The following NCOA1 variants were observed in gnomAD, a reference collection of about 807,000 sequenced individuals.
NCOA1 encodes the protein nuclear receptor coactivator 1.
A neutral mutation model predicts 150.9 loss-of-function variants in NCOA1; 35 were observed. The observed-to-expected ratio is 0.23, with a 90% CI of 0.18 to 0.31. The LOEUF (loss-of-function observed/expected upper bound fraction) is 0.31. NCOA1 is among the 10% of genes least tolerant of loss of function. The pLI, the probability that NCOA1 is intolerant of heterozygous loss-of-function variation, is 1.00. For missense variants in NCOA1, 1,491 were observed against 1,749.3 expected, an observed-to-expected ratio of 0.85 and a Z score of 2.63; for synonymous variants, 590 against 630.0, an observed-to-expected ratio of 0.94 and a Z score of 0.95.
In NCOA1 at chr2:24,765,896, C is replaced by CTT. The variant is rs773857143; in HGVS notation, c.4156-2307_4156-2306dup. Among the ~76,000 whole-genome samples the CTT allele has an allele frequency of 3.5e-4, 45 of 128,030 alleles. 1 individual carries two copies. Among genetic ancestry groups the CTT allele is most frequent in the African/African-American group, 6.1e-4 (21 of 34,260 alleles). The allele number at this position is 128,030 out of a possible 152,430, so 84.0% of individuals were successfully genotyped here. ...AGTTTTCTGTAATTTCAATAATACACTTTTTTTTTTTTTTTTTTTGAGACG... is the reference window on the plus strand; with the variant it reads ...AGTTTTCTGTAATTTCAATAATACACTTTTTTTTTTTTTTTTTTTTTGAGACG... On this transcript the variant is annotated intron_variant, in intron 22 of 22. Transcript: ENST00000348332.
chr2:24,534,639 G>C (rs1317455294), intron 1 of NCOA1, among the ~76,000 whole-genome samples: 1 of 152,126 alleles, frequency 6.6e-6, no homozygotes, highest in African/African-American at 2.4e-5. Context: ...CAGAGATTCT[G>C]GTAGTTGTGT....
intron 4 of NCOA1, among the ~76,000 whole-genome samples, chr2:24,649,726 A>G (rs1278422346): frequency 1.3e-5 from 2 of 152,162 alleles, no homozygotes; most frequent in Admixed American, 6.5e-5. Flanking sequence ...TCCTTTTTCT[A>G]TGTATTTGTT....
intron 9 of NCOA1, among the ~76,000 whole-genome samples, chr2:24,692,901 C>G (rs1400841051): frequency 2.0e-5 from 3 of 152,238 alleles, no homozygotes; most frequent in Non-Finnish European, 2.9e-5. Context: ...CGCTCTGTGG[C>G]CCAGGCTGGA....
chr2:24,739,315 A>G, intron 17 of NCOA1, 117 bp from the exon 18 acceptor site: 1 of 714,264 alleles, frequency 1.4e-6, no homozygotes, highest in Non-Finnish European at 2.4e-6. Flanking sequence ...GAAATAATCT[A>G]ACCAAACCTG....
intron 3 of NCOA1, among the ~76,000 whole-genome samples, chr2:24,589,625 T>TTTG: frequency 8.6e-6 from 1 of 116,926 alleles, no homozygotes; most frequent in East Asian, 2.4e-4. Context: ...AGGAAAGAGG[T>TTTG]TGGTGGTGTG....
chr2:24,583,275 T>C (rs1667274042), intron 2 of NCOA1, among the ~76,000 whole-genome samples: 1 of 152,054 alleles, frequency 6.6e-6, no homozygotes, highest in African/African-American at 2.4e-5. Context: ...AAAAGGAATA[T>C]GCAAAAGGCC....
In NCOA1 at chr2:24,710,925, TC is replaced by T; in HGVS notation, c.2419-5del. The stretch of plus-strand genomic sequence containing the variant: ...TATTTCCTCTAACTTTGGTTTCCAT[TC>T]TTAGTTTACAGCTGACCTTGACCAG... On this transcript the variant is annotated splice_region_variant and splice_polypyrimidine_tract_variant and intron_variant, in intron 13 of 22. Transcript: ENST00000348332. 6.2e-7 allele frequency: 1 copy of T among 1,612,478 alleles called. No individual in the cohort carries two copies. Among genetic ancestry groups the T allele is most frequent in the Non-Finnish European group, 8.5e-7 (1 of 1,179,436 alleles).
rs775178797 is a variant in NCOA1 at position 24,610,124 on chromosome 2, C to CTTTTT, written c.-175+25582_-175+25586dup. 2.7e-3 allele frequency among the ~76,000 whole-genome samples: 244 copies of CTTTTT among 90,192 alleles called. 5 individuals are homozygous for CTTTTT. The highest frequency in any genetic ancestry group is 3.3e-3 in the African/African-American group (77 of 23,410). 59.2% of individuals were successfully genotyped at this position (90,192 alleles called of 152,430 possible). On this transcript the variant is annotated intron_variant, in intron 3 of 22. Transcript: ENST00000348332. ...TTTCTTTGTGACTATAGGCTGCATT[C>CTTTTT]TTTTTTTTTTTTTTTTTTTTTTGAG...
intron 19 of NCOA1, among the ~76,000 whole-genome samples, chr2:24,746,691 A>G (rs1020829291): frequency 6.6e-6 from 1 of 152,198 alleles, no homozygotes; most frequent in Non-Finnish European, 1.5e-5. Flanking sequence ...CTAATTCATT[A>G]CCCACAGGCT....
chr2:24,707,497 G>T lies in NCOA1; in HGVS notation c.2027G>T (p.Cys676Phe). ...TCTGCTAACTCTTCAGGAGGTTCTT[G>T]TCCCTCTTCTCATAGCTCATTGACA... Reference protein sequence around the residue: ...SASANSSGGSCPSSHSSLTER... With the variant: ...SASANSSGGSFPSSHSSLTER... The change falls in exon 13 of 23, where the codon TGT (cysteine) becomes TTT (phenylalanine). Residue 676 changes from cysteine (C) to phenylalanine (F), a missense_variant. By Grantham distance (205) the Cys-to-Phe change is radical. Around this residue, in one of 8 missense-constraint regions of NCOA1, gnomAD observed 703 missense variants for 717.7 expected, o/e 0.98. Coordinates refer to ENST00000348332, the MANE Select transcript of NCOA1 (RefSeq NM_003743.5). 1 of 1,614,174 alleles carries T rather than the reference G, an allele frequency of 6.2e-7. No homozygotes were observed. Among genetic ancestry groups the T allele is most frequent in the Non-Finnish European group, 8.5e-7 (1 of 1,180,032 alleles).
chr2:24,594,755 C>T (rs1398913034), intron 3 of NCOA1, among the ~76,000 whole-genome samples: 1 of 151,998 alleles, frequency 6.6e-6, no homozygotes, highest in East Asian at 1.9e-4. Context: ...TAAATTTTAT[C>T]CTTAGAAATA....
intron 5 of NCOA1, among the ~76,000 whole-genome samples, chr2:24,664,184 A>G (rs1317113069): frequency 6.6e-6 from 1 of 152,178 alleles, no homozygotes; most frequent in Non-Finnish European, 1.5e-5. Context: ...ATCTTGCTGC[A>G]TTTTCTTGTT....
At chr2:24,552,341 ATATATATATATATTTTTTTTTTTTTTT>A (rs1665874923) in intron 1 of NCOA1, among the ~76,000 whole-genome samples, 2 of 32,648 alleles carry the variant, frequency 6.1e-5, no homozygotes, top group Non-Finnish European at 1.0e-4. Flanking sequence ...ATATATATAT[ATATATATATATATTTTTTTTTTTTTTT>A]TTTTTTTTTT....
rs942145000 is a variant in NCOA1, at chr2:24,642,037, T to TGTGTGTGTGTGTGTGCGCGC, written c.-174-1928_-174-1927insTGTGTGTGTGTGTGCGCGCG. ...GTGTGTGTGTGTGTGTGTGTGTGTG[T>TGTGTGTGTGTGTGTGCGCGC]GCGCGCGTGCGTATGTGTGTGTGTA... On this transcript the variant is annotated intron_variant, in intron 3 of 22. Transcript: ENST00000348332. 6.0e-3 allele frequency among the ~76,000 whole-genome samples: 830 copies of TGTGTGTGTGTGTGTGCGCGC among 138,506 alleles called. 6 individuals are homozygous for TGTGTGTGTGTGTGTGCGCGC. Among genetic ancestry groups the TGTGTGTGTGTGTGTGCGCGC allele is most frequent in the African/African-American group, 0.016 (638 of 39,114 alleles). The allele number at this position is 138,506 out of a possible 152,430, so 90.9% of individuals were successfully genotyped here.
chr2:24,569,980 A>G (rs1666676963), intron 2 of NCOA1, among the ~76,000 whole-genome samples: 1 of 151,834 alleles, frequency 6.6e-6, no homozygotes, highest in Admixed American at 6.6e-5. Context: ...TGCAAGCAGA[A>G]AGTAGATTAG....
intron 11 of NCOA1, among the ~76,000 whole-genome samples, chr2:24,701,645 ATGACT>A (rs1373034111): frequency 6.6e-6 from 1 of 152,244 alleles, no homozygotes; most frequent in Non-Finnish European, 1.5e-5. Context: ...GGAATTACAA[ATGACT>A]TGACTTGTTC....
chr2:24,717,459 G>C (rs1053750460), intron 14 of NCOA1, among the ~76,000 whole-genome samples: 1 of 152,188 alleles, frequency 6.6e-6, no homozygotes, highest in Non-Finnish European at 1.5e-5. Context: ...ACAGTCAAAA[G>C]ATCAGGAGTT....
intron 3 of NCOA1, among the ~76,000 whole-genome samples, chr2:24,630,700 C>T (rs1344371919): frequency 2.6e-5 from 4 of 151,978 alleles, no homozygotes; most frequent in Non-Finnish European, 5.9e-5. Flanking sequence ...TTTTAAGTCA[C>T]CTAAAAAATT....
At chr2:24,526,294 TG>T (rs2148150511) in intron 1 of NCOA1, among the ~76,000 whole-genome samples, 1 of 152,300 alleles carries the variant, frequency 6.6e-6, no homozygotes, top group African/African-American at 2.4e-5. Context: ...TTCCACATTT[TG>T]TTTTCATTAA....
Sources: gnomAD v4.1 joint callset for allele counts (sites outside exome capture counted in the v4.1 genomes callset) on GRCh38, gnomAD v4.1.1 for gene constraint, gnomAD v4.1.1 regional missense constraint, MANE v1.5 for transcripts, NCBI Gene and HGNC (gene_info 2026-07-23, HGNC 2026-07-21) for gene names.